The following RORA variants were observed in gnomAD, a reference collection of about 807,000 sequenced individuals.
RORA encodes nuclear receptor ROR-alpha.
In RORA, 7 loss-of-function variants were observed where a neutral mutation model predicts 69.5. The observed-to-expected ratio is 0.10, with a 90% CI of 0.06 to 0.19. The LOEUF (loss-of-function observed/expected upper bound fraction) is 0.19. RORA is among the 10% of genes least tolerant of loss of function. RORA has a pLI of 1.00. For missense variants in RORA, 457 were observed against 663.0 expected (o/e 0.69, Z 3.41); for synonymous variants, 261 against 240.8 (o/e 1.08, Z -0.78).
At chr15:60,604,235 G>A (rs1055393398) in intron 2 of RORA, among the ~76,000 whole-genome samples, 1 of 151,844 alleles carries the variant, frequency 6.6e-6, no homozygotes, top group Non-Finnish European at 1.5e-5. Context: ...AAACAAGAGG[G>A]CAGAACATCA....
intron 1 of RORA, among the ~76,000 whole-genome samples, chr15:60,917,625 T>C (rs574818079): frequency 6.6e-6 from 1 of 152,340 alleles, no homozygotes; most frequent in East Asian, 1.9e-4. Context: ...GCAGCTGTGT[T>C]TGCTGGGCCA....
Position 61,120,934 on chromosome 15 carries a change from G to A in RORA, c.166+108119C>T, listed in dbSNP as rs188739325. ...GTGATCTCGGCTCACTGCAACCTCC[G>A]CCTCCCAGGTTCAAGCGATTCTCCT... On this transcript the variant is annotated intron_variant, in intron 1 of 10. Coordinates refer to ENST00000335670, the MANE Select transcript of RORA (RefSeq NM_134261.3). 1.8e-3 allele frequency among the ~76,000 whole-genome samples: 266 copies of A among 144,238 alleles called. 5 individuals are homozygous for A. The East Asian group carries it at 0.053, about 29-fold the overall frequency. 94.6% of individuals were successfully genotyped at this position (144,238 alleles called of 152,430 possible). A position where few individuals can be genotyped will look rare whatever the true frequency, so the allele number is the denominator to read the frequency against.
chr15:60,651,652 A>G (rs2070144229), intron 2 of RORA, among the ~76,000 whole-genome samples: 1 of 151,754 alleles, frequency 6.6e-6, no homozygotes, highest in Non-Finnish European at 1.5e-5. Flanking sequence ...AAAGGCTTCC[A>G]CTCCAGGGGG....
intron 1 of RORA, among the ~76,000 whole-genome samples, chr15:60,694,787 C>T (rs755727987): frequency 1.5e-4 from 23 of 152,278 alleles, no homozygotes; most frequent in Non-Finnish European, 2.6e-4. Flanking sequence ...GGTAAATCAA[C>T]CCATATGCAG....
rs1026596500 is a variant in RORA, at chr15:60,496,102, C to T, written c.*1353G>A. 3 of 152,098 alleles carry T rather than the reference C, an allele frequency of 2.0e-5. No homozygotes were observed. The highest frequency in any genetic ancestry group is 6.5e-5 in the Admixed American group (1 of 15,270). The allele number at this position is 152,098 out of a possible 1,614,324, so 9.4% of individuals were successfully genotyped here. ...ATGCTTCCCTCACCCTCCTATCCAT[C>T]GTTTTTCAAATATGGAGAGCAACAT... On this transcript the variant is annotated 3_prime_UTR_variant, in exon 11 of 11. Coordinates refer to ENST00000335670, the MANE Select transcript of RORA (RefSeq NM_134261.3). The surrounding 1 kb of genome is among the most constrained non-coding windows in gnomAD (Gnocchi z 4.5).
chr15:60,628,578 G>C (rs1262387618), intron 2 of RORA, among the ~76,000 whole-genome samples: 1 of 152,094 alleles, frequency 6.6e-6, no homozygotes, highest in Non-Finnish European at 1.5e-5. Flanking sequence ...ATCTTGCCAG[G>C]CTTGGTTATT....
chr15:60,801,612 A>C (rs867586442), intron 1 of RORA, among the ~76,000 whole-genome samples: 3 of 152,338 alleles, frequency 2.0e-5, no homozygotes, highest in Non-Finnish European at 1.5e-5. Context: ...TTAATGCATA[A>C]TGTTATAAAG....
chr15:60,974,698 C>T (rs887282989), intron 1 of RORA, among the ~76,000 whole-genome samples: 1 of 152,198 alleles, frequency 6.6e-6, no homozygotes, highest in African/African-American at 2.4e-5. Flanking sequence ...ACAAGGCCCC[C>T]CAAAGCCACA....
At chr15:60,585,261 C>T (rs893768082) in intron 2 of RORA, among the ~76,000 whole-genome samples, 1 of 152,174 alleles carries the variant, frequency 6.6e-6, no homozygotes, top group African/African-American at 2.4e-5. Context: ...ACACCAAAAT[C>T]CAAATCCACA....
At chr15:60,850,954 A>G (rs2073317279) in intron 1 of RORA, among the ~76,000 whole-genome samples, 1 of 152,218 alleles carries the variant, frequency 6.6e-6, no homozygotes, top group African/African-American at 2.4e-5. Context: ...CTGAATGGCC[A>G]TTATTTTCAT....
intron 1 of RORA, among the ~76,000 whole-genome samples, chr15:60,700,935 T>A (rs1208152102): frequency 6.6e-6 from 1 of 152,106 alleles, no homozygotes; most frequent in Non-Finnish European, 1.5e-5. Flanking sequence ...AGGTCATGGG[T>A]GAAGGGATGG....
At chr15:60,924,600 C>T (rs1186469240) in intron 1 of RORA, among the ~76,000 whole-genome samples, 1 of 152,096 alleles carries the variant, frequency 6.6e-6, no homozygotes, top group Non-Finnish European at 1.5e-5. Flanking sequence ...CTGGCCCTTT[C>T]TATCCTCAGA....
At chr15:61,101,191 G>A (rs2078873514) in intron 1 of RORA, among the ~76,000 whole-genome samples, 1 of 152,074 alleles carries the variant, frequency 6.6e-6, no homozygotes, top group Admixed American at 6.5e-5. Context: ...TAAAATATAC[G>A]GAAGACATCC....
At chr15:61,185,243 ACT>A (rs1175244840) in intron 1 of RORA, among the ~76,000 whole-genome samples, 3 of 151,764 alleles carry the variant, frequency 2.0e-5, no homozygotes, top group Non-Finnish European at 4.4e-5. Context: ...ATCTGCTGAC[ACT>A]CTGATTTCTC....
chr15:61,046,891 G>GCCT (rs1244184958), intron 1 of RORA, among the ~76,000 whole-genome samples: 2 of 152,224 alleles, frequency 1.3e-5, no homozygotes, highest in East Asian at 3.9e-4. Context: ...TTCAGAGCCA[G>GCCT]CCTCCTGCCA....
intron 1 of RORA, among the ~76,000 whole-genome samples, chr15:60,917,235 G>C (rs1891902071): frequency 6.6e-6 from 1 of 152,184 alleles, no homozygotes; most frequent in Non-Finnish European, 1.5e-5. Flanking sequence ...ACATTGATCA[G>C]ACTTCCTTCT....
intron 1 of RORA, chr15:61,176,401 AG>A (rs1340480825): frequency 6.6e-6 from 1 of 152,230 alleles, no homozygotes; most frequent in African/African-American, 2.4e-5. Context: ...CTTGCTTTTC[AG>A]AGAGTAGTTT....
At chr15:60,913,829 T>C (rs77158824) in intron 1 of RORA, among the ~76,000 whole-genome samples, 2,822 of 152,350 alleles carry the variant, frequency 0.019, 118 homozygotes, top group African/African-American at 0.065. Flanking sequence ...TATGCCCTTA[T>C]ATGCATGCTG....
intron 1 of RORA, among the ~76,000 whole-genome samples, chr15:60,695,974 C>T (rs1262727063): frequency 6.6e-6 from 1 of 152,110 alleles, no homozygotes; most frequent in Non-Finnish European, 1.5e-5. Flanking sequence ...ACAGATAAAC[C>T]ACCGGCGCTT....
Sources: gnomAD v4.1 joint callset for allele counts (sites outside exome capture counted in the v4.1 genomes callset) on GRCh38, gnomAD v4.1.1 for gene constraint, Gnocchi (gnomAD v3.1) non-coding constraint, MANE v1.5 for transcripts, NCBI Gene and HGNC (gene_info 2026-07-23, HGNC 2026-07-21) for gene names.